ECHDC2: variants seen among roughly 807,000 people sequenced by gnomAD.
ECHDC2 encodes the protein enoyl-CoA hydratase domain containing 2.
Under a neutral mutation model 40.6 loss-of-function variants are expected in ECHDC2, and 34 were observed. The ratio of observed to expected loss-of-function variants is 0.84; its 90% CI spans 0.64 to 1.11. ECHDC2 has a LOEUF of 1.11. ECHDC2 is among the 50% of genes most tolerant of loss of function. ECHDC2 has a pLI of 0.00. For missense variants in ECHDC2, 392 were observed against 400.7 expected (o/e 0.98, Z 0.19); for synonymous variants, 162 against 166.6 (o/e 0.97, Z 0.21).
In ECHDC2 at chr1:52,906,616, GGAGA is replaced by G; in HGVS notation, c.365-9_365-6del. Reference sequence around the variant, plus strand: ...TGGTGGGTGCAGGGAAGGCTGCTGTGGAGAGGAAGAAAGGCTCAGCCTGCAAAGC... The same window carrying G: ...TGGTGGGTGCAGGGAAGGCTGCTGTGGGAAGAAAGGCTCAGCCTGCAAAGC... On this transcript the variant is annotated splice_polypyrimidine_tract_variant and splice_region_variant and intron_variant, in intron 4 of 9. Transcript: ENST00000371522. The G allele has an allele frequency of 6.2e-7, 1 of 1,604,206 alleles. No individual in the cohort carries two copies. Among genetic ancestry groups the G allele is most frequent in the Non-Finnish European group, 8.5e-7 (1 of 1,174,604 alleles).
In ECHDC2 at chr1:52,896,546, G is replaced by A. The variant is rs760475661; in HGVS notation, c.853C>T (p.Arg285Trp). ...LEGMAAFREK[R>W]TPKFVGK is the part of the protein sequence containing the mutation. Reference sequence around the variant, plus strand: ...CATTTGCCAACAAATTTGGGAGTCCGCTTCTCCCTGAAGGCTGCCATGCCC... The same window carrying A: ...CATTTGCCAACAAATTTGGGAGTCCACTTCTCCCTGAAGGCTGCCATGCCC... The change falls in exon 10 of 10, where the codon CGG (arginine) becomes TGG (tryptophan). Residue 285 changes from arginine to tryptophan, a missense_variant. Physicochemically the swap from Arg to Trp is moderately radical, Grantham distance 101. Coordinates refer to ENST00000371522, the MANE Select transcript of ECHDC2 (RefSeq NM_001198961.2). The A allele has an allele frequency of 1.4e-5, 23 of 1,614,046 alleles. 1 individual carries two copies. The East Asian group carries it at 1.8e-4, about 13-fold the overall frequency.
At chr1:52,915,029 G>A (rs113584150) in intron 1 of ECHDC2, 41 of 336,630 alleles carry the variant, frequency 1.2e-4, no homozygotes, top group Non-Finnish European at 2.1e-4. Context: ...CGACCATAAG[G>A]CCCCCCCAAT....
intron 7 of ECHDC2, among the ~76,000 whole-genome samples, chr1:52,904,124 G>A (rs557694842): frequency 1.2e-4 from 18 of 152,108 alleles, no homozygotes; most frequent in Middle Eastern, 3.2e-3. Context: ...CCCACATGTT[G>A]TATTTCAAGA....
chr1:52,920,114 A>G (rs1456739502), intron 1 of ECHDC2, among the ~76,000 whole-genome samples: 1 of 152,174 alleles, frequency 6.6e-6, no homozygotes, highest in African/African-American at 2.4e-5. Flanking sequence ...TAAAGTGGGG[A>G]GAATAATCTT....
intron 9 of ECHDC2, chr1:52,896,951 G>A (rs1646675916): frequency 3.3e-6 from 1 of 306,726 alleles, no homozygotes; most frequent in Non-Finnish European, 6.1e-6. Context: ...GTTCACACTA[G>A]TTTCTCCAAG....
rs190656191 is a variant in ECHDC2 at position 52,913,936 on chromosome 1, T to C, written c.122-2146A>G. ...CTGCACTCCTTCACTGCTTCTCTTCTGCCCAATTATTTTAAGTGCGTAAGT... is the reference window on the plus strand; with the variant it reads ...CTGCACTCCTTCACTGCTTCTCTTCCGCCCAATTATTTTAAGTGCGTAAGT... On this transcript the variant is annotated intron_variant, in intron 1 of 9. Coordinates refer to ENST00000371522, the MANE Select transcript of ECHDC2 (RefSeq NM_001198961.2). The C allele has an allele frequency of 7.7e-6, 9 of 1,167,232 alleles. No homozygotes were observed. In the East Asian group the frequency reaches 5.0e-4, roughly 65 times the overall value. The allele number at this position is 1,167,232 out of a possible 1,614,324, so 72.3% of individuals were successfully genotyped here.
rs565248267 is a variant in ECHDC2, at chr1:52,903,821, CTTTT to C, written c.702+821_702+824del. On this transcript the variant is annotated intron_variant, in intron 7 of 9. Transcript: ENST00000371522. ...GTATGTTGTATTTCTTTCTTTCTTT[CTTTT>C]TTTTTTTTTTTTGAGATGAAGTCTC... Among the ~76,000 whole-genome samples, 1,193 of 144,674 alleles carry C rather than the reference CTTTT, an allele frequency of 8.2e-3. 9 individuals carry two copies. Among genetic ancestry groups the C allele is most frequent in the Non-Finnish European group, 0.013 (839 of 66,586 alleles). 94.9% of individuals were successfully genotyped at this position (144,674 alleles called of 152,430 possible).
At position 52,905,323 on chromosome 1, in the gene ECHDC2, G is replaced by A. The variant is rs76722867; in HGVS notation, c.458-233C>T. On this transcript the variant is annotated intron_variant, in intron 5 of 9. Transcript: ENST00000371522. ...TGATGGAGTTGTAAGTCACCAGCAA[G>A]TCTCACCCTTCCCAAGCCTCAAAGG... 3,529 of 570,144 alleles carry A rather than the reference G, an allele frequency of 6.2e-3. 101 individuals are homozygous for A. Among genetic ancestry groups the A allele is most frequent in the African/African-American group, 0.059 (3,179 of 53,560 alleles). The allele number at this position is 570,144 out of a possible 1,614,324, so 35.3% of individuals were successfully genotyped here. A position where few individuals can be genotyped will look rare whatever the true frequency, so the allele number is the denominator to read the frequency against.
rs561281066 is a variant in ECHDC2, at chr1:52,919,236, C to T, written c.121+2317G>A. 9.9e-5 allele frequency among the ~76,000 whole-genome samples: 15 copies of T among 152,284 alleles called. No homozygotes were observed. In the East Asian group the frequency reaches 2.3e-3, roughly 24 times the overall value. On this transcript the variant is annotated intron_variant, in intron 1 of 9. Coordinates refer to ENST00000371522, the MANE Select transcript of ECHDC2 (RefSeq NM_001198961.2). ...CCTTCACATTCACTCACCATTCACT[C>T]GCTGACTCACCCAGTGCAGCTTCCA... is the stretch of plus-strand genomic sequence containing the variant.
chr1:52,905,210 G>A, intron 5 of ECHDC2, 120 bp from the exon 6 acceptor site: 7 of 1,099,224 alleles, frequency 6.4e-6, no homozygotes, highest in African/African-American at 1.5e-5. Flanking sequence ...CCATGGTCTG[G>A]CCACAGCCAG....
rs770967138 is a variant in ECHDC2 at position 52,921,615 on chromosome 1, G to A, written c.59C>T (p.Ala20Val). Residue 20 changes from alanine to valine, a missense_variant, in exon 1 of 10, where the codon GCT becomes GTT. Transcript: ENST00000371522. ...PWRPLRARGC[A>V]SDGAAGGSEI... ...TGAGCCCCCGGCCGCCCCGTCGGAA[G>A]CGCAGCCGCGGGCCCGAAGGGGCCT... is the stretch of plus-strand genomic sequence containing the variant. The A allele has an allele frequency of 5.6e-6, 9 of 1,599,634 alleles. No individual in the cohort carries two copies. The highest frequency in any genetic ancestry group is 2.2e-5 in the South Asian group (2 of 88,908).
At chr1:52,915,271 C>A in intron 1 of ECHDC2, 1 of 456,014 alleles carries the variant, frequency 2.2e-6, no homozygotes, top group Non-Finnish European at 4.4e-6. Context: ...TTATTATTAT[C>A]TCCCAGGGTC....
At chr1:52,911,255 AT>A (rs1264536762) in intron 3 of ECHDC2, among the ~76,000 whole-genome samples, 1 of 151,972 alleles carries the variant, frequency 6.6e-6, no homozygotes, top group African/African-American at 2.4e-5. Context: ...GGAATTACAG[AT>A]GTGAGCCACT....
At chr1:52,920,935 A>C (rs1651737339) in intron 1 of ECHDC2, among the ~76,000 whole-genome samples, 1 of 152,252 alleles carries the variant, frequency 6.6e-6, no homozygotes, top group Non-Finnish European at 1.5e-5. Context: ...AAACAACAAC[A>C]ACAACAAAAA....
At chr1:52,903,821 CTTTTT>C (rs565248267) in intron 7 of ECHDC2, among the ~76,000 whole-genome samples, 4 of 144,714 alleles carry the variant, frequency 2.8e-5, no homozygotes, top group East Asian at 2.1e-4. Flanking sequence ...TTCTTTCTTT[CTTTTT>C]TTTTTTTTTT....
chr1:52,921,530 C>T (rs1197352700), intron 1 of ECHDC2, 23 bp downstream of exon 1: 5 of 1,601,342 alleles, frequency 3.1e-6, no homozygotes, highest in Non-Finnish European at 4.3e-6. Flanking sequence ...GCGTCATGCG[C>T]CGCCCCGGAA....
chr1:52,912,101 G>GAC (rs1027101913), intron 1 of ECHDC2: 111 of 1,222,428 alleles, frequency 9.1e-5, no homozygotes, highest in Admixed American at 2.3e-4. Context: ...TAGACAGACA[G>GAC]ACACACACAC....
At chr1:52,901,515 T>C (rs1646993907) in intron 7 of ECHDC2, 1 of 152,224 alleles carries the variant, frequency 6.6e-6, no homozygotes, top group African/African-American at 2.4e-5. Flanking sequence ...AGTTTTTTTC[T>C]GGGCTGAGAA....
Position 52,906,513 on chromosome 1 carries a change from C to T in ECHDC2, c.457+6G>A, listed in dbSNP as rs778366351. 8 of 1,607,878 alleles carry T rather than the reference C, an allele frequency of 5.0e-6. No homozygotes were observed. The South Asian group carries it at 5.6e-5, about 11-fold the overall frequency. On this transcript the variant is annotated splice_donor_region_variant and intron_variant, in intron 5 of 9. Coordinates refer to ENST00000371522, the MANE Select transcript of ECHDC2 (RefSeq NM_001198961.2). Reference sequence around the variant, plus strand: ...CCACCCCCTGCCCCCAGTCCTGGCCCAGTACCTGCCACTCGGAGGTCACAG... The same window carrying T: ...CCACCCCCTGCCCCCAGTCCTGGCCTAGTACCTGCCACTCGGAGGTCACAG...
Sources: allele counts gnomAD v4.1 joint callset (sites outside exome capture counted in the v4.1 genomes callset), GRCh38; gene constraint gnomAD v4.1.1; transcripts MANE v1.5; gene names NCBI Gene and HGNC (gene_info 2026-07-23, HGNC 2026-07-21).